ABLIM2: variants seen among roughly 807,000 people sequenced by gnomAD.
ABLIM2 encodes actin-binding LIM protein 2.
In ABLIM2, 53 loss-of-function variants were observed where a neutral mutation model predicts 97.7. The observed-to-expected ratio is 0.54, with a 90% CI of 0.44 to 0.68. ABLIM2 has a LOEUF of 0.68. Ranked by LOEUF, ABLIM2 falls within the 30% of genes least tolerant of loss-of-function variation. The probability of loss-of-function intolerance (pLI) is 0.00; values close to 1 mark genes in which losing one functional copy is unlikely to be tolerated. For synonymous variants in ABLIM2, 361 were observed against 345.8 expected, an observed-to-expected ratio of 1.04 and a Z score of -0.49; for missense variants, 835 against 867.2, an observed-to-expected ratio of 0.96 and a Z score of 0.47.
rs77040432 is a variant in ABLIM2, at chr4:8,112,794, C to T, written c.11-6157G>A. 1.0e-2 allele frequency among the ~76,000 whole-genome samples: 1,518 copies of T among 152,310 alleles called. 22 individuals are homozygous for T. The highest frequency in any genetic ancestry group is 0.035 in the African/African-American group (1,453 of 41,554). ...GAGGATGCCAAGGCTAGGAGATGGT[C>T]ACACGGCTAAGAGACTGAGGCCCAG... On this transcript the variant is annotated intron_variant, in intron 1 of 20. Coordinates refer to ENST00000447017, the MANE Select transcript of ABLIM2 (RefSeq NM_001130083.2). The surrounding 1 kb of genome is among the most constrained non-coding windows in gnomAD (Gnocchi z 4.2).
intron 1 of ABLIM2, among the ~76,000 whole-genome samples, chr4:8,108,282 G>A (rs943449056): frequency 4.6e-5 from 7 of 152,220 alleles, no homozygotes; most frequent in South Asian, 2.1e-4. Context: ...ACCGCAGTGC[G>A]GCAGCCCAGG....
chr4:8,054,351 C>G lies in ABLIM2; in HGVS notation c.764-105G>C. 8.3e-7 allele frequency: 1 copy of G among 1,208,506 alleles called. No homozygotes were observed. Among genetic ancestry groups the G allele is most frequent in the Non-Finnish European group, 1.2e-6 (1 of 832,744 alleles). The allele number at this position is 1,208,506 out of a possible 1,614,324, so 74.9% of individuals were successfully genotyped here. On this transcript the variant is annotated intron_variant, in intron 7 of 20. Transcript: ENST00000447017. The surrounding 1 kb of genome is among the most constrained non-coding windows in gnomAD (Gnocchi z 4.9). ...GAGCTGGTCCATGCACAGACGTGCA[C>G]TCGGACTCCACCCTCCAAGCGGCCC...
intron 2 of ABLIM2, among the ~76,000 whole-genome samples, chr4:8,104,713 C>G (rs142809048): frequency 1.7e-3 from 255 of 152,294 alleles, no homozygotes; most frequent in Non-Finnish European, 2.5e-3. Flanking sequence ...TCACCGACCC[C>G]CTGCAGGGCT....
chr4:8,115,774 G>A (rs1393259283), intron 1 of ABLIM2, among the ~76,000 whole-genome samples: 2 of 152,156 alleles, frequency 1.3e-5, no homozygotes, highest in Non-Finnish European at 2.9e-5. Context: ...AACCTGGGTG[G>A]ACCTCTGCAA....
intron 1 of ABLIM2, among the ~76,000 whole-genome samples, chr4:8,108,471 G>T (rs115717037): frequency 6.6e-6 from 1 of 152,368 alleles, no homozygotes; most frequent in East Asian, 1.9e-4. Flanking sequence ...GTACCCAGCC[G>T]GGAAGCCAGC....
intron 16 of ABLIM2, among the ~76,000 whole-genome samples, chr4:7,993,365 T>C (rs1388376520): frequency 4.6e-5 from 7 of 152,208 alleles, no homozygotes; most frequent in Non-Finnish European, 8.8e-5. Context: ...ACCAAGCACA[T>C]GGGGCCTGGA....
At chr4:7,982,362 AAG>A (rs1739327375) in intron 20 of ABLIM2, among the ~76,000 whole-genome samples, 1 of 152,192 alleles carries the variant, frequency 6.6e-6, no homozygotes, top group East Asian at 1.9e-4. Flanking sequence ...TCACTCTAGC[AAG>A]AGAGTCTACT....
intron 19 of ABLIM2, 85 bp downstream of exon 19, chr4:7,983,462 C>T (rs1577894594): frequency 1.3e-6 from 2 of 1,593,202 alleles, no homozygotes; most frequent in Non-Finnish European, 1.7e-6. Flanking sequence ...ACACACATTT[C>T]ATAGGTAAAG....
Position 8,004,644 on chromosome 4 carries a change from C to T in ABLIM2, c.1618+3415G>A, listed in dbSNP as rs1759850918. Among the ~76,000 whole-genome samples, 1 of 152,074 alleles carries T rather than the reference C, an allele frequency of 6.6e-6. No individual in the cohort carries two copies. Among genetic ancestry groups the T allele is most frequent in the South Asian group, 2.1e-4 (1 of 4,826 alleles). ...ATGTGGGACCCCAAGCAGCAGCAGGCCCTACTGCCGGGGACACGGAGTCCA... is the reference window on the plus strand; with the variant it reads ...ATGTGGGACCCCAAGCAGCAGCAGGTCCTACTGCCGGGGACACGGAGTCCA... On this transcript the variant is annotated intron_variant, in intron 16 of 20. Transcript: ENST00000447017. This position sits in a 1 kb window ranked among gnomAD's most constrained non-coding sequence, Gnocchi z 5.9.
In ABLIM2 at chr4:7,992,796, G is replaced by A; in HGVS notation, c.1680+70C>T. 1 of 1,533,926 alleles carries A rather than the reference G, an allele frequency of 6.5e-7. No individual in the cohort carries two copies. The stretch of plus-strand genomic sequence containing the variant: ...TCTCCTCCTGCTGTGTGGTCAAGAA[G>A]CTGTGGGAAACGTGCTCAGCCTCAC... On this transcript the variant is annotated intron_variant, in intron 17 of 20. Transcript: ENST00000447017. This position sits in a 1 kb window ranked among gnomAD's most constrained non-coding sequence, Gnocchi z 5.7.
Position 8,148,189 on chromosome 4 carries a change from G to A in ABLIM2, c.10+10491C>T, listed in dbSNP as rs1437263481. On this transcript the variant is annotated intron_variant, in intron 1 of 20. Transcript: ENST00000447017. The surrounding 1 kb of genome is among the most constrained non-coding windows in gnomAD (Gnocchi z 6.7). ...GGGCAGAGGGAGAAAAGGAAGACGTGGCGGCGGTGCAGCAGAAGCTCTCCT... is the reference window on the plus strand; with the variant it reads ...GGGCAGAGGGAGAAAAGGAAGACGTAGCGGCGGTGCAGCAGAAGCTCTCCT... Among the ~76,000 whole-genome samples the A allele has an allele frequency of 6.6e-6, 1 of 152,256 alleles. No individual in the cohort carries two copies. The highest frequency in any genetic ancestry group is 1.5e-5 in the Non-Finnish European group (1 of 68,048).
intron 1 of ABLIM2, among the ~76,000 whole-genome samples, chr4:8,134,218 C>T (rs966749188): frequency 3.9e-5 from 6 of 152,244 alleles, no homozygotes; most frequent in Admixed American, 1.3e-4. Flanking sequence ...CAGGACTAAG[C>T]ATGCCAACTC....
intron 1 of ABLIM2, among the ~76,000 whole-genome samples, chr4:8,146,424 G>C (rs907250342): frequency 1.3e-5 from 2 of 152,224 alleles, no homozygotes; most frequent in Non-Finnish European, 2.9e-5. Flanking sequence ...ATATTAATGA[G>C]ATTTGCAAAG....
chr4:8,158,018 C>A (rs1340512967), intron 1 of ABLIM2, among the ~76,000 whole-genome samples: 4 of 152,242 alleles, frequency 2.6e-5, no homozygotes, highest in Non-Finnish European at 2.9e-5. Flanking sequence ...TGGGCTCCAG[C>A]GCTGTGGGAT....
At chr4:8,093,423 C>T (rs1829913144) in intron 3 of ABLIM2, among the ~76,000 whole-genome samples, 1 of 152,168 alleles carries the variant, frequency 6.6e-6, no homozygotes. Flanking sequence ...CTTTGCGTGT[C>T]TAAAAAAGTC....
At chr4:8,090,239 G>A (rs546360052) in intron 3 of ABLIM2, among the ~76,000 whole-genome samples, 1 of 152,188 alleles carries the variant, frequency 6.6e-6, no homozygotes, top group East Asian at 1.9e-4. Flanking sequence ...TGTCATGGGG[G>A]ATCTTGAGAC....
Position 8,085,883 on chromosome 4 carries a change from CA to C in ABLIM2, c.454+2285del, listed in dbSNP as rs1374209522. Reference sequence around the variant, plus strand: ...GCCTCTAGTCCTAGTGGGGTGAGCTCACTTGCTTTGGAGTTGAAAGGCCTTG... The same window carrying C: ...GCCTCTAGTCCTAGTGGGGTGAGCTCCTTGCTTTGGAGTTGAAAGGCCTTG... On this transcript the variant is annotated intron_variant, in intron 4 of 20. Coordinates refer to ENST00000447017, the MANE Select transcript of ABLIM2 (RefSeq NM_001130083.2). This position sits in a 1 kb window ranked among gnomAD's most constrained non-coding sequence, Gnocchi z 6.1. Among the ~76,000 whole-genome samples, 2 of 152,224 alleles carry C rather than the reference CA, an allele frequency of 1.3e-5. No individual in the cohort carries two copies. The highest frequency in any genetic ancestry group is 2.9e-5 in the Non-Finnish European group (2 of 68,034).
At chr4:8,079,358 G>C (rs955164337) in intron 5 of ABLIM2, among the ~76,000 whole-genome samples, 1 of 152,222 alleles carries the variant, frequency 6.6e-6, no homozygotes, top group Admixed American at 6.5e-5. Flanking sequence ...TAACATGCAC[G>C]GTGTGGGTGA....
At position 8,085,158 on chromosome 4, in the gene ABLIM2, A is replaced by AC. The variant is rs1822579668; in HGVS notation, c.454+3010dup. 6.6e-6 allele frequency among the ~76,000 whole-genome samples: 1 copy of AC among 152,028 alleles called. No homozygotes were observed. The highest frequency in any genetic ancestry group is 2.4e-5 in the African/African-American group (1 of 41,414). ...GGGCAGCAGAGGGAAGCTCAGGGCCACGGGACTCAAGCTTGAGCTCTGCCT... is the reference window on the plus strand; with the variant it reads ...GGGCAGCAGAGGGAAGCTCAGGGCCACCGGGACTCAAGCTTGAGCTCTGCCT... On this transcript the variant is annotated intron_variant, in intron 4 of 20. Coordinates refer to ENST00000447017, the MANE Select transcript of ABLIM2 (RefSeq NM_001130083.2). This position sits in a 1 kb window ranked among gnomAD's most constrained non-coding sequence, Gnocchi z 6.1.
Sources: gnomAD v4.1 joint callset for allele counts (sites outside exome capture counted in the v4.1 genomes callset) on GRCh38, gnomAD v4.1.1 for gene constraint, Gnocchi (gnomAD v3.1) non-coding constraint, MANE v1.5 for transcripts, NCBI Gene and HGNC (gene_info 2026-07-23, HGNC 2026-07-21) for gene names.